Variants in XPR1 observed in about 807,000 individuals in gnomAD.
XPR1 encodes xenotropic and polytropic retrovirus receptor 1.
XPR1 carries 28 observed loss-of-function variants against 87.5 expected under a neutral mutation model. The ratio of observed to expected loss-of-function variants is 0.32; its 90% CI spans 0.24 to 0.44. The LOEUF is 0.44. XPR1 is among the 20% of genes least tolerant of loss of function. The pLI, the probability that XPR1 is intolerant of heterozygous loss-of-function variation, is 1.00. For missense variants in XPR1, 559 were observed against 862.3 expected (o/e 0.65, Z 4.41); for synonymous variants, 300 against 306.1 (o/e 0.98, Z 0.21).
chr1:180,660,986 T>G (rs930444829), intron 1 of XPR1, among the ~76,000 whole-genome samples: 1 of 152,248 alleles, frequency 6.6e-6, no homozygotes, highest in Non-Finnish European at 1.5e-5. Flanking sequence ...TTTATCTCTC[T>G]CTTTAGCTCT....
At chr1:180,647,902 CAAAAA>C (rs1009441967) in intron 1 of XPR1, among the ~76,000 whole-genome samples, 180 of 55,932 alleles carry the variant, frequency 3.2e-3, no homozygotes, top group African/African-American at 8.5e-3. Context: ...CTCTTATCTG[CAAAAA>C]AAAAAAAAAA....
rs548244916 is a variant in XPR1 at position 180,834,530 on chromosome 1, G to T, written c.1135-344G>T. On this transcript the variant is annotated intron_variant, in intron 9 of 14. Coordinates refer to ENST00000367590, the MANE Select transcript of XPR1 (RefSeq NM_004736.4). ...TATGGAAAGATTTGTTTACATAAAC[G>T]TGTATATTTTTAGATGAAAAATCAG... Among the ~76,000 whole-genome samples the T allele has an allele frequency of 4.5e-4, 69 of 152,314 alleles. No homozygotes were observed. In the Middle Eastern group the frequency reaches 0.017, roughly 38 times the overall value.
intron 2 of XPR1, among the ~76,000 whole-genome samples, chr1:180,764,632 G>A (rs1459806821): frequency 2.0e-5 from 3 of 151,634 alleles, no homozygotes; most frequent in Non-Finnish European, 4.4e-5. Context: ...ACCATGCCTG[G>A]CTAATGTTTG....
At chr1:180,809,554 T>A (rs140772482) in intron 6 of XPR1, among the ~76,000 whole-genome samples, 21 of 152,126 alleles carry the variant, frequency 1.4e-4, no homozygotes, top group Non-Finnish European at 2.5e-4. Flanking sequence ...TATGTGCAAT[T>A]TTTTTATGTC....
chr1:180,810,941 T>C (rs886346507), intron 6 of XPR1, among the ~76,000 whole-genome samples: 3 of 152,136 alleles, frequency 2.0e-5, no homozygotes, highest in Non-Finnish European at 2.9e-5. Context: ...TACTATTGCA[T>C]ATAACCTGTA....
rs747566265 is a variant in XPR1, at chr1:180,888,647, A to C, written c.*4581A>C. On this transcript the variant is annotated 3_prime_UTR_variant, in exon 15 of 15. Coordinates refer to ENST00000367590, the MANE Select transcript of XPR1 (RefSeq NM_004736.4). ...TCATATTCTTTTTCTGAGTGATCTAAATTTTTCTTGCTTGTGATCATTAGC... is the reference window on the plus strand; with the variant it reads ...TCATATTCTTTTTCTGAGTGATCTACATTTTTCTTGCTTGTGATCATTAGC... 2.6e-5 allele frequency: 4 copies of C among 151,524 alleles called. No individual in the cohort carries two copies. Among genetic ancestry groups the C allele is most frequent in the Non-Finnish European group, 5.9e-5 (4 of 67,806 alleles). 9.4% of individuals were successfully genotyped at this position (151,524 alleles called of 1,614,324 possible).
At chr1:180,736,300 AG>A (rs1271957686) in intron 2 of XPR1, among the ~76,000 whole-genome samples, 1 of 152,198 alleles carries the variant, frequency 6.6e-6, no homozygotes, top group Non-Finnish European at 1.5e-5. Context: ...TTACAGTGAG[AG>A]GACATTCTCC....
intron 2 of XPR1, among the ~76,000 whole-genome samples, chr1:180,780,778 A>G (rs1648906726): frequency 6.6e-6 from 1 of 151,744 alleles, no homozygotes; most frequent in South Asian, 2.1e-4. Context: ...AAAAAAAAAA[A>G]AAAAGAGATG....
rs1352467213 is a variant in XPR1 at position 180,659,222 on chromosome 1, CT to C, written c.70-23136del. ...CCTTCCTTCCTTCCTTCCTTCCTTC[CT>C]TCCTTCCTTCCTTCCTTCCTTCCTT... is the stretch of plus-strand genomic sequence containing the variant. On this transcript the variant is annotated intron_variant, in intron 1 of 14. Coordinates refer to ENST00000367590, the MANE Select transcript of XPR1 (RefSeq NM_004736.4). 2.2e-4 allele frequency among the ~76,000 whole-genome samples: 9 copies of C among 40,142 alleles called. 1 individual carries two copies. Among genetic ancestry groups the C allele is most frequent in the Non-Finnish European group, 2.6e-4 (4 of 15,374 alleles). The allele number at this position is 40,142 out of a possible 152,430, so 26.3% of individuals were successfully genotyped here.
At chr1:180,841,049 G>C (rs12071498) in intron 11 of XPR1, among the ~76,000 whole-genome samples, 6,547 of 152,140 alleles carry the variant, frequency 0.043, 506 homozygotes, top group African/African-American at 0.15. Flanking sequence ...GTTCTTAATA[G>C]TATTGTTAAG....
chr1:180,633,743 C>G (rs1654673920), intron 1 of XPR1, among the ~76,000 whole-genome samples: 4 of 152,168 alleles, frequency 2.6e-5, no homozygotes, highest in Admixed American at 2.6e-4. Flanking sequence ...TTTATTGTTT[C>G]TAATAACATT....
Position 180,755,989 on chromosome 1 carries a change from C to G in XPR1, c.122-31764C>G, listed in dbSNP as rs533734592. Among the ~76,000 whole-genome samples the G allele has an allele frequency of 1.1e-4, 17 of 152,302 alleles. 1 individual carries two copies. The South Asian group carries it at 3.5e-3, about 32-fold the overall frequency. On this transcript the variant is annotated intron_variant, in intron 2 of 14. Coordinates refer to ENST00000367590, the MANE Select transcript of XPR1 (RefSeq NM_004736.4). ...CTCCTCACAAAGTGCTTATTAATTACAAGAGGAAAACAAATTAATTTATAG... is the reference window on the plus strand; with the variant it reads ...CTCCTCACAAAGTGCTTATTAATTAGAAGAGGAAAACAAATTAATTTATAG...
At chr1:180,877,525 A>G (rs149790067) in intron 13 of XPR1, among the ~76,000 whole-genome samples, 39 of 152,364 alleles carry the variant, frequency 2.6e-4, no homozygotes, top group Middle Eastern at 6.8e-3. Flanking sequence ...TGTGAAATCA[A>G]TTCCAGGTGG....
At chr1:180,751,740 T>C (rs1647542232) in intron 2 of XPR1, among the ~76,000 whole-genome samples, 1 of 152,106 alleles carries the variant, frequency 6.6e-6, no homozygotes, top group Non-Finnish European at 1.5e-5. Flanking sequence ...AGTAGAATAA[T>C]TTAAATGAAT....
chr1:180,793,780 TA>T (rs547350769), intron 3 of XPR1, among the ~76,000 whole-genome samples: 6 of 151,920 alleles, frequency 3.9e-5, no homozygotes, highest in South Asian at 4.2e-4. Flanking sequence ...TTTATTTTGT[TA>T]AAAAAAAGTG....
chr1:180,731,457 G>A (rs1658553333), intron 2 of XPR1, among the ~76,000 whole-genome samples: 1 of 152,180 alleles, frequency 6.6e-6, no homozygotes, highest in Admixed American at 6.5e-5. Flanking sequence ...GTGACAAGGA[G>A]GCCTATGGTG....
chr1:180,691,664 C>G (rs1055674395), intron 2 of XPR1, among the ~76,000 whole-genome samples: 5 of 152,172 alleles, frequency 3.3e-5, no homozygotes, highest in Admixed American at 6.5e-5. Context: ...TAGGTTCTCT[C>G]TGCTTATTCT....
chr1:180,652,824 A>G (rs1655339867), intron 1 of XPR1, among the ~76,000 whole-genome samples: 1 of 152,160 alleles, frequency 6.6e-6, no homozygotes, highest in South Asian at 2.1e-4. Context: ...AACAATAATA[A>G]ACATTTATTG....
intron 2 of XPR1, among the ~76,000 whole-genome samples, chr1:180,717,252 C>T (rs1486002675): frequency 2.0e-5 from 3 of 152,154 alleles, no homozygotes; most frequent in Non-Finnish European, 4.4e-5. Flanking sequence ...TTTGGCCTCC[C>T]AAAGTGCTGG....
Sources: gnomAD v4.1 joint callset for allele counts (sites outside exome capture counted in the v4.1 genomes callset) on GRCh38, gnomAD v4.1.1 for gene constraint, MANE v1.5 for transcripts, NCBI Gene and HGNC (gene_info 2026-07-23, HGNC 2026-07-21) for gene names.